FILIP1: variants seen among roughly 807,000 people sequenced by gnomAD.
FILIP1 encodes filamin-A-interacting protein 1.
In FILIP1, 61 loss-of-function variants were observed where a neutral mutation model predicts 102.1. The observed-to-expected ratio is 0.60, with a 90% CI of 0.49 to 0.74. The LOEUF is 0.74. FILIP1 is among the 30% of genes least tolerant of loss of function. The pLI, the probability that FILIP1 is intolerant of heterozygous loss-of-function variation, is 0.00. For missense variants in FILIP1, 1,314 were observed against 1,441.2 expected (o/e 0.91, Z 1.43); for synonymous variants, 491 against 526.9 (o/e 0.93, Z 0.93).
intron 2 of FILIP1, among the ~76,000 whole-genome samples, chr6:75,402,352 T>C (rs191657077): frequency 6.3e-4 from 96 of 152,306 alleles, no homozygotes; most frequent in Middle Eastern, 6.8e-3. Context: ...GAAAGCAACC[T>C]GTCTCTCTGT....
Position 75,362,642 on chromosome 6 carries a change from A to C in FILIP1, c.450+102T>G, listed in dbSNP as rs940893575. ...AATTGTATATTAGTGTATCATCAAAATTTTGCCTTTGAAAGAAAATGTTAA... is the reference window on the plus strand; with the variant it reads ...AATTGTATATTAGTGTATCATCAAACTTTTGCCTTTGAAAGAAAATGTTAA... On this transcript the variant is annotated intron_variant, in intron 3 of 5. Transcript: ENST00000237172. The C allele has an allele frequency of 1.9e-5, 21 of 1,118,160 alleles. No individual in the cohort carries two copies. The African/African-American group carries it at 2.8e-4, about 15-fold the overall frequency. 69.3% of individuals were successfully genotyped at this position (1,118,160 alleles called of 1,614,324 possible). A position where few individuals can be genotyped will look rare whatever the true frequency, so the allele number is the denominator to read the frequency against.
Position 75,315,005 on chromosome 6 carries a change from C to T in FILIP1, c.827G>A (p.Arg276Lys). 2 of 1,613,908 alleles carry T rather than the reference C, an allele frequency of 1.2e-6. No individual in the cohort carries two copies. The highest frequency in any genetic ancestry group is 1.7e-6 in the Non-Finnish European group (2 of 1,179,976). Residue 276 changes from arginine to lysine, a missense_variant, in exon 5 of 6, where the codon AGG (arginine) becomes AAG (lysine). Arg to Lys is a conservative substitution (Grantham distance 26, BLOSUM62 2). Coordinates refer to ENST00000237172, the MANE Select transcript of FILIP1 (RefSeq NM_015687.5). ...GGCTTTGAGCTTCTCTTCTTCTTCC[C>T]TCAGCTTCTGAGTAAGATCCTGTAC... ...QKVQDLTQKL[R>K]EEEEKLKAIT...
chr6:75,375,903 C>T (rs1433235787), intron 2 of FILIP1, among the ~76,000 whole-genome samples: 2 of 152,066 alleles, frequency 1.3e-5, no homozygotes, highest in African/African-American at 4.8e-5. Flanking sequence ...AAATCTCAGC[C>T]ATTCTGAACT....
In FILIP1 at chr6:75,413,784, G is replaced by GAA. The variant is rs35853449; in HGVS notation, c.276+911_276+912dup. Among the ~76,000 whole-genome samples the GAA allele has an allele frequency of 1.0e-3, 138 of 136,676 alleles. 2 individuals are homozygous for GAA. In the East Asian group the frequency reaches 0.018, roughly 18 times the overall value. The allele number at this position is 136,676 out of a possible 152,430, so 89.7% of individuals were successfully genotyped here. ...CCACTCTTTAAGTCATCTTCTCCAG[G>GAA]AAAAAAAAAAAAAAAGTATTGTTCC... On this transcript the variant is annotated intron_variant, in intron 2 of 5. Coordinates refer to ENST00000237172, the MANE Select transcript of FILIP1 (RefSeq NM_015687.5).
intron 4 of FILIP1, among the ~76,000 whole-genome samples, chr6:75,329,447 C>T (rs976130407): frequency 1.3e-5 from 2 of 152,168 alleles, no homozygotes; most frequent in African/African-American, 2.4e-5. Flanking sequence ...CAAATGTCAC[C>T]AAAAAGTCAT....
intron 2 of FILIP1, among the ~76,000 whole-genome samples, chr6:75,397,575 C>T (rs1032018108): frequency 4.6e-5 from 3 of 65,112 alleles, no homozygotes; most frequent in Admixed American, 4.3e-4. Context: ...CACACACACA[C>T]ACACGTATAC....
At chr6:75,451,860 C>A (rs1778645549) in intron 1 of FILIP1, among the ~76,000 whole-genome samples, 1 of 152,048 alleles carries the variant, frequency 6.6e-6, no homozygotes, top group African/African-American at 2.4e-5. Flanking sequence ...AAAGAAATTA[C>A]AAAACTAAAT....
intron 2 of FILIP1, among the ~76,000 whole-genome samples, chr6:75,373,521 T>C (rs1330540162): frequency 6.6e-6 from 1 of 152,102 alleles, no homozygotes; most frequent in African/African-American, 2.4e-5. Flanking sequence ...TCTAGCCTGG[T>C]CTTGAGCTCC....
At position 75,383,882 on chromosome 6, in the gene FILIP1, T is replaced by G. The variant is rs1398748945; in HGVS notation, c.277-20965A>C. On this transcript the variant is annotated intron_variant, in intron 2 of 5. Coordinates refer to ENST00000237172, the MANE Select transcript of FILIP1 (RefSeq NM_015687.5). Reference sequence around the variant, plus strand: ...AGAATGCGAAATCAGGCAACCTAACTTCAGAGCTGGCAATCTTAATATTAT... The same window carrying G: ...AGAATGCGAAATCAGGCAACCTAACGTCAGAGCTGGCAATCTTAATATTAT... Among the ~76,000 whole-genome samples the G allele has an allele frequency of 3.3e-5, 5 of 152,268 alleles. No homozygotes were observed. The East Asian group carries it at 9.6e-4, about 29-fold the overall frequency.
intron 4 of FILIP1, among the ~76,000 whole-genome samples, chr6:75,323,785 C>T (rs1032305181): frequency 6.6e-6 from 1 of 152,158 alleles, no homozygotes; most frequent in Non-Finnish European, 1.5e-5. Context: ...CAATTATAAT[C>T]CCCATATGTC....
At chr6:75,306,957 C>A (rs551241825), downstream of FILIP1, among the ~76,000 whole-genome samples, 9 of 152,118 alleles carry the variant, frequency 5.9e-5, no homozygotes, top group Non-Finnish European at 1.2e-4. Context: ...CGCCCACCCC[C>A]ACACTCGGCT....
chr6:75,438,263 A>C (rs2149716246), intron 1 of FILIP1, among the ~76,000 whole-genome samples: 1 of 152,330 alleles, frequency 6.6e-6, no homozygotes, highest in East Asian at 1.9e-4. Context: ...TTTGTCATTC[A>C]CTGAGCTGTG....
At chr6:75,333,351 A>G (rs951473950) in intron 4 of FILIP1, among the ~76,000 whole-genome samples, 3 of 152,202 alleles carry the variant, frequency 2.0e-5, no homozygotes, top group Admixed American at 6.5e-5. Context: ...TTGAAACAAT[A>G]AACAAAACTC....
intron 2 of FILIP1, among the ~76,000 whole-genome samples, chr6:75,386,835 C>T (rs1776109582): frequency 6.6e-6 from 1 of 152,134 alleles, no homozygotes; most frequent in African/African-American, 2.4e-5. Flanking sequence ...GTATTTGGTT[C>T]TGCCACCATC....
At chr6:75,486,475 A>C (rs767417637) in intron 1 of FILIP1, among the ~76,000 whole-genome samples, 4 of 152,162 alleles carry the variant, frequency 2.6e-5, no homozygotes, top group Non-Finnish European at 5.9e-5. Flanking sequence ...CACTTTGTGA[A>C]TCTTTTAATA....
chr6:75,470,627 T>C (rs1371756200), intron 1 of FILIP1, among the ~76,000 whole-genome samples: 3 of 152,160 alleles, frequency 2.0e-5, no homozygotes, highest in Non-Finnish European at 4.4e-5. Context: ...ATGATAAAAG[T>C]GGAACTTCAA....
exon 7 of FILIP1, chr6:75,295,068 A>G (rs952933198): frequency 2.0e-5 from 3 of 151,974 alleles, no homozygotes; most frequent in South Asian, 2.1e-4. Context: ...TGATTGGATT[A>G]GATTGTGAGA....
downstream of FILIP1, among the ~76,000 whole-genome samples, chr6:75,303,484 G>A (rs1322885422): frequency 1.3e-5 from 2 of 152,160 alleles, no homozygotes; most frequent in Non-Finnish European, 2.9e-5. Flanking sequence ...AGATATCTTG[G>A]TCATTGAGGG....
At chr6:75,483,048 G>A (rs1355549067) in intron 1 of FILIP1, among the ~76,000 whole-genome samples, 1 of 151,392 alleles carries the variant, frequency 6.6e-6, no homozygotes, top group Non-Finnish European at 1.5e-5. Flanking sequence ...AAAAATCTGT[G>A]CTACAGTATT....
Sources: allele counts gnomAD v4.1 joint callset (sites outside exome capture counted in the v4.1 genomes callset), GRCh38; gene constraint gnomAD v4.1.1; transcripts MANE v1.5; gene names NCBI Gene and HGNC (gene_info 2026-07-23, HGNC 2026-07-21).